The following ZNF469 variants were observed in gnomAD, a reference collection of about 807,000 sequenced individuals.
The protein encoded by ZNF469 is zinc finger protein 469.
ZNF469 carries 1 observed loss-of-function variant against 1.0 expected under a neutral mutation model. That is an observed-to-expected ratio of 1.00 (90% CI 0.35 to 4.73). The LOEUF (loss-of-function observed/expected upper bound fraction) is 4.73, where lower values mean the gene tolerates loss of function less well. Ranked by LOEUF, ZNF469 falls within the 30% of genes most tolerant of loss-of-function variation. The pLI is 0.16. For synonymous variants in ZNF469, 2,703 were observed against 2,363.4 expected (o/e 1.14, Z -4.17); for missense variants, 6,100 against 5,356.3 (o/e 1.14, Z -4.33).
chr16:88,331,531 C>T, the ZNF469 span, among the ~76,000 whole-genome samples: 1 of 151,392 alleles, frequency 6.6e-6, no homozygotes, highest in Non-Finnish European at 1.5e-5. Flanking sequence ...TCACTACCAT[C>T]ACTATCATCA....
the ZNF469 span, among the ~76,000 whole-genome samples, chr16:88,184,596 C>T: frequency 1.1e-4 from 17 of 152,120 alleles, no homozygotes; most frequent in East Asian, 3.1e-3. Flanking sequence ...TTCCCGTTCC[C>T]GTTTCAGGGG....
the ZNF469 span, among the ~76,000 whole-genome samples, chr16:88,285,127 C>G: frequency 1.3e-5 from 2 of 152,276 alleles, no homozygotes; most frequent in Non-Finnish European, 2.9e-5. Context: ...GCCCAAGGCA[C>G]ACGTGCCCAT....
the ZNF469 span, among the ~76,000 whole-genome samples, chr16:88,117,006 G>A: frequency 6.6e-6 from 1 of 151,884 alleles, no homozygotes; most frequent in Non-Finnish European, 1.5e-5. Flanking sequence ...GGCATGCAGA[G>A]CTACGAGAAT....
the ZNF469 span, among the ~76,000 whole-genome samples, chr16:88,213,161 C>G: frequency 6.6e-6 from 1 of 151,932 alleles, no homozygotes; most frequent in Non-Finnish European, 1.5e-5. Context: ...TGCAGTGGCA[C>G]CATCTTGGCT....
chr16:88,149,255 G>T, the ZNF469 span, among the ~76,000 whole-genome samples: 1 of 152,196 alleles, frequency 6.6e-6, no homozygotes, highest in Admixed American at 6.5e-5. Flanking sequence ...ATGTGCACAG[G>T]CCACATGGGA....
the ZNF469 span, among the ~76,000 whole-genome samples, chr16:88,284,148 C>CAAGGTCTGTG: frequency 6.8e-6 from 1 of 147,814 alleles, no homozygotes; most frequent in East Asian, 2.0e-4. Context: ...CCAGTGTGCC[C>CAAGGTCTGTG]GAGGTCTGCG....
chr16:88,198,710 C>A, the ZNF469 span, among the ~76,000 whole-genome samples: 10 of 152,148 alleles, frequency 6.6e-5, no homozygotes, highest in Non-Finnish European at 1.5e-4. Context: ...GCTGGCCAGG[C>A]CTTGGAGTTG....
At chr16:88,244,397 A>T in the ZNF469 span, among the ~76,000 whole-genome samples, 29 of 25,868 alleles carry the variant, frequency 1.1e-3, no homozygotes, top group Middle Eastern at 0.056. Context: ...GCATGGGTGG[A>T]TGGATGGATG....
At chr16:88,102,320 G>A in the ZNF469 span, among the ~76,000 whole-genome samples, 10 of 152,096 alleles carry the variant, frequency 6.6e-5, no homozygotes, top group African/African-American at 2.4e-4. Context: ...AGTTCGTAGA[G>A]CAGCCTGGCC....
chr16:88,402,328 C>A (rs1355114977), intron 1 of ZNF469, among the ~76,000 whole-genome samples: 1 of 152,176 alleles, frequency 6.6e-6, no homozygotes, highest in African/African-American at 2.4e-5. Context: ...GAAGCAGATT[C>A]ACCCAGGTGA....
the ZNF469 span, among the ~76,000 whole-genome samples, chr16:88,327,566 G>A: frequency 6.6e-6 from 1 of 152,098 alleles, no homozygotes; most frequent in African/African-American, 2.4e-5. Context: ...GGGGGGGTCT[G>A]TGCTCACGGT....
At chr16:88,155,915 T>G in the ZNF469 span, among the ~76,000 whole-genome samples, 1 of 152,218 alleles carries the variant, frequency 6.6e-6, no homozygotes, top group South Asian at 2.1e-4. Context: ...CAGCACTCAC[T>G]GCTGTCTGCC....
the ZNF469 span, among the ~76,000 whole-genome samples, chr16:88,269,994 G>A: frequency 3.3e-5 from 5 of 152,116 alleles, no homozygotes; most frequent in Non-Finnish European, 2.9e-5. Context: ...ATCTAGGTTC[G>A]CGTCCTGCAT....
At chr16:88,336,569 C>T in the ZNF469 span, among the ~76,000 whole-genome samples, 3 of 151,848 alleles carry the variant, frequency 2.0e-5, no homozygotes, top group Non-Finnish European at 4.4e-5. Context: ...CATGTTCATC[C>T]TTCATGTGAG....
At chr16:88,289,445 G>T in the ZNF469 span, among the ~76,000 whole-genome samples, 1 of 53,188 alleles carries the variant, frequency 1.9e-5, no homozygotes, top group South Asian at 5.0e-4. Context: ...ATGATGATAT[G>T]ATGATGATGA....
chr16:88,223,929 T>A, the ZNF469 span, among the ~76,000 whole-genome samples: 1 of 152,228 alleles, frequency 6.6e-6, no homozygotes, highest in Admixed American at 6.5e-5. Flanking sequence ...GGGGCCCCCA[T>A]GAACATGTGC....
the ZNF469 span, among the ~76,000 whole-genome samples, chr16:88,154,367 T>G: frequency 6.6e-6 from 1 of 152,194 alleles, no homozygotes; most frequent in African/African-American, 2.4e-5. Flanking sequence ...GGTTTCGCCA[T>G]GTTGGCCAGG....
At chr16:88,331,577 A>G in the ZNF469 span, among the ~76,000 whole-genome samples, 4 of 150,820 alleles carry the variant, frequency 2.7e-5, no homozygotes, top group African/African-American at 9.8e-5. Flanking sequence ...CACCACCACC[A>G]CCACCACCAC....
the ZNF469 span, among the ~76,000 whole-genome samples, chr16:88,238,015 C>T: frequency 6.6e-6 from 1 of 152,256 alleles, no homozygotes; most frequent in Non-Finnish European, 1.5e-5. Flanking sequence ...CTTTATAGCA[C>T]TGAAAAATAT....
Sources: allele counts gnomAD v4.1 joint callset (sites outside exome capture counted in the v4.1 genomes callset), GRCh38; gene constraint gnomAD v4.1.1; transcripts MANE v1.5; gene names NCBI Gene and HGNC (gene_info 2026-07-23, HGNC 2026-07-21).